Variants in TBCD observed in about 807,000 individuals in gnomAD.
The protein encoded by TBCD is tubulin folding cofactor D.
Under a neutral mutation model 169.3 loss-of-function variants are expected in TBCD, and 105 were observed. The ratio of observed to expected loss-of-function variants is 0.62; its 90% CI spans 0.53 to 0.73. The LOEUF (loss-of-function observed/expected upper bound fraction) is 0.73, where lower values mean the gene tolerates loss of function less well. Among genes scored for constraint, TBCD ranks in the 30% least tolerant of loss-of-function variants. TBCD has a pLI of 0.00. For synonymous variants in TBCD, 700 were observed against 643.9 expected (o/e 1.09, Z -1.32); for missense variants, 1,444 against 1,600.1 (o/e 0.90, Z 1.66).
chr17:82,764,513 C>A (rs912885191), intron 3 of TBCD, among the ~76,000 whole-genome samples: 3 of 152,130 alleles, frequency 2.0e-5, no homozygotes, highest in African/African-American at 7.2e-5. Flanking sequence ...GGCTTGGTGG[C>A]ACATGACTGT....
At chr17:82,781,446 G>A (rs2048942784) in intron 6 of TBCD, 143 bp from the exon 7 acceptor site, 3 of 1,067,390 alleles carry the variant, frequency 2.8e-6, no homozygotes, top group Non-Finnish European at 4.0e-6. Flanking sequence ...GAGGAGGACA[G>A]GACTCAGTAC....
intron 17 of TBCD, among the ~76,000 whole-genome samples, chr17:82,896,288 G>A (rs2059471184): frequency 6.6e-6 from 1 of 152,096 alleles, no homozygotes; most frequent in Non-Finnish European, 1.5e-5. Flanking sequence ...CAGGGGTGTG[G>A]TACGTGGCGT....
At chr17:82,847,695 T>C (rs1160136183) in intron 13 of TBCD, among the ~76,000 whole-genome samples, 2 of 152,122 alleles carry the variant, frequency 1.3e-5, no homozygotes, top group Non-Finnish European at 2.9e-5. Flanking sequence ...TGGAGTGCAG[T>C]AGTGCGATCT....
rs544280396 is a variant in TBCD, at chr17:82,922,404, C to T, written c.2178+827C>T. On this transcript the variant is annotated intron_variant, in intron 25 of 38. Coordinates refer to ENST00000355528, the MANE Select transcript of TBCD (RefSeq NM_005993.5). This position sits in a 1 kb window ranked among gnomAD's most constrained non-coding sequence, Gnocchi z 4.1. ...CAAAAACAAAAAAAACCATGGTTAC[C>T]AACGTTGACTAGGTTTTGATATTGA... 7.0e-4 allele frequency among the ~76,000 whole-genome samples: 107 copies of T among 152,168 alleles called. No homozygotes were observed. Among genetic ancestry groups the T allele is most frequent in the African/African-American group, 2.5e-3 (102 of 41,510 alleles).
chr17:82,786,411 C>T (rs1476874226), intron 7 of TBCD, among the ~76,000 whole-genome samples: 4 of 152,128 alleles, frequency 2.6e-5, no homozygotes, highest in South Asian at 2.1e-4. Flanking sequence ...AGCCCTGCCC[C>T]GAGTGTGGGT....
chr17:82,936,171 A>C (rs565853512), intron 34 of TBCD, among the ~76,000 whole-genome samples: 16 of 152,018 alleles, frequency 1.1e-4, no homozygotes, highest in Non-Finnish European at 1.9e-4. Flanking sequence ...CCCCTCTGCA[A>C]TTTTCACACG....
intron 17 of TBCD, among the ~76,000 whole-genome samples, chr17:82,895,010 T>G (rs898372751): frequency 1.3e-5 from 2 of 152,208 alleles, no homozygotes; most frequent in African/African-American, 2.4e-5. Flanking sequence ...TTTCCCGAGT[T>G]TCCTGAGTAA....
intron 13 of TBCD, among the ~76,000 whole-genome samples, chr17:82,837,376 T>C (rs536837544): frequency 7.2e-5 from 11 of 152,068 alleles, no homozygotes; most frequent in African/African-American, 2.4e-4. Flanking sequence ...CCCAAAAGAG[T>C]ATGTTGTTGC....
In TBCD at chr17:82,800,921, T is replaced by G; in HGVS notation, c.875T>G (p.Leu292Arg). ...GCRLPESNQTLLRKLGVKLVQ... is the reference protein window; with the variant it reads ...GCRLPESNQTRLRKLGVKLVQ... ...AGACTCCCTGAGAGCAACCAGACCC[T>G]GCTGCGGAAGCTGGGGGTGAAGCTT... Residue 292 changes from leucine to arginine, a missense_variant, in exon 9 of 39, where the codon CTG becomes CGG. Physicochemically the swap from Leu to Arg is moderately radical, Grantham distance 102. Transcript: ENST00000355528. 6.2e-7 allele frequency: 1 copy of G among 1,612,318 alleles called. No individual in the cohort carries two copies. Among genetic ancestry groups the G allele is most frequent in the South Asian group, 1.1e-5 (1 of 90,984 alleles).
At chr17:82,871,434 G>A (rs1487458955) in intron 14 of TBCD, among the ~76,000 whole-genome samples, 1 of 152,170 alleles carries the variant, frequency 6.6e-6, no homozygotes, top group Non-Finnish European at 1.5e-5. Flanking sequence ...GTGAGCCCAC[G>A]GCTGAATCAT....
intron 12 of TBCD, among the ~76,000 whole-genome samples, chr17:82,812,864 T>TGG (rs1157869163): frequency 6.6e-6 from 1 of 152,194 alleles, no homozygotes; most frequent in Non-Finnish European, 1.5e-5. Flanking sequence ...GATGGGGTCT[T>TGG]GCTCTGTTGC....
chr17:82,847,043 C>G (rs1262150437), intron 13 of TBCD, among the ~76,000 whole-genome samples: 3 of 152,166 alleles, frequency 2.0e-5, no homozygotes, highest in Non-Finnish European at 2.9e-5. Flanking sequence ...GCCGAGGAGA[C>G]ATTTGGTTTC....
At chr17:82,801,707 GCTCGGAGTCAGCGTGGCAGGAGGGTGA>G (rs2050562444) in intron 9 of TBCD, among the ~76,000 whole-genome samples, 2 of 136,810 alleles carry the variant, frequency 1.5e-5, no homozygotes, top group African/African-American at 5.5e-5. Context: ...GCGTTGTGTG[GCTCGGAGTCAGCGTGGCAGGAGGGTGA>G]CGTGTGCGTG....
chr17:82,842,136 G>A (rs2054575825), intron 13 of TBCD, among the ~76,000 whole-genome samples: 2 of 152,218 alleles, frequency 1.3e-5, no homozygotes, highest in African/African-American at 4.8e-5. Context: ...TCTGCGCTAC[G>A]ACTCCCTCTG....
Position 82,941,403 on chromosome 17 carries a change from G to A in TBCD, c.3484G>A (p.Ala1162Thr), listed in dbSNP as rs777282071. The change falls in exon 38 of 39, where the codon GCG becomes ACG. Residue 1162 changes from alanine (A) to threonine (T), a missense_variant. By Grantham distance (58) the Ala-to-Thr change is moderately conservative (BLOSUM62 0). Coordinates refer to ENST00000355528, the MANE Select transcript of TBCD (RefSeq NM_005993.5). ...VTVLSDTAWD[A>T]ELAVVREQRN... ...CGGCTCTCCCTCTCCTCACAGGGACGCGGAGCTTGCAGTGGTGAGAGAGCA... is the reference window on the plus strand; with the variant it reads ...CGGCTCTCCCTCTCCTCACAGGGACACGGAGCTTGCAGTGGTGAGAGAGCA... 1.4e-5 allele frequency: 22 copies of A among 1,591,944 alleles called. No individual in the cohort carries two copies. The highest frequency in any genetic ancestry group is 3.4e-5 in the South Asian group (3 of 88,388).
intron 15 of TBCD, among the ~76,000 whole-genome samples, chr17:82,887,595 CGTGTGA>C (rs1375876092): frequency 2.6e-5 from 4 of 152,126 alleles, no homozygotes; most frequent in Non-Finnish European, 5.9e-5. Context: ...CTCAGGTTTT[CGTGTGA>C]GTGTAACTTC....
rs1165263480 is a variant in TBCD at position 82,889,333 on chromosome 17, C to T, written c.1534-335C>T. Reference sequence around the variant, plus strand: ...TGCCTCACTCCTGAGGAAGAGTGTTCGGGCTCTGGGCTTTGATTTAACCTG... The same window carrying T: ...TGCCTCACTCCTGAGGAAGAGTGTTTGGGCTCTGGGCTTTGATTTAACCTG... On this transcript the variant is annotated intron_variant, in intron 15 of 38. Transcript: ENST00000355528. The surrounding 1 kb of genome is among the most constrained non-coding windows in gnomAD (Gnocchi z 5.3). 1.3e-5 allele frequency among the ~76,000 whole-genome samples: 2 copies of T among 152,040 alleles called. No individual in the cohort carries two copies. Among genetic ancestry groups the T allele is most frequent in the South Asian group, 2.1e-4 (1 of 4,828 alleles).
chr17:82,812,825 C>G (rs2051553945), intron 12 of TBCD, among the ~76,000 whole-genome samples: 1 of 152,188 alleles, frequency 6.6e-6, no homozygotes. Context: ...ACAGGCTGAG[C>G]CACCGCGCCC....
chr17:82,933,938 T>C (rs2147405640), intron 34 of TBCD, among the ~76,000 whole-genome samples: 1 of 152,368 alleles, frequency 6.6e-6, no homozygotes, highest in African/African-American at 2.4e-5. Flanking sequence ...AGCTGTCAGG[T>C]GGACCCAGAG....
Sources: gnomAD v4.1 joint callset for allele counts (sites outside exome capture counted in the v4.1 genomes callset) on GRCh38, gnomAD v4.1.1 for gene constraint, Gnocchi (gnomAD v3.1) non-coding constraint, MANE v1.5 for transcripts, NCBI Gene and HGNC (gene_info 2026-07-23, HGNC 2026-07-21) for gene names.